Variants in ACTR1A observed in about 807,000 individuals in gnomAD.
ACTR1A encodes actin related protein 1A.
In ACTR1A, 10 loss-of-function variants were observed where a neutral mutation model predicts 50.7. The ratio of observed to expected loss-of-function variants is 0.20; its 90% CI spans 0.12 to 0.33. The LOEUF (loss-of-function observed/expected upper bound fraction) is 0.33. Ranked by LOEUF, ACTR1A falls within the 10% of genes least tolerant of loss-of-function variation. ACTR1A has a pLI of 1.00. For missense variants in ACTR1A, 253 were observed against 491.7 expected (o/e 0.51, Z 4.59); for synonymous variants, 177 against 184.2 (o/e 0.96, Z 0.32).
At chr10:102,500,857 C>A (rs2135591676) in intron 1 of ACTR1A, among the ~76,000 whole-genome samples, 1 of 152,080 alleles carries the variant, frequency 6.6e-6, no homozygotes, top group African/African-American at 2.4e-5. Context: ...AGAATCGCAA[C>A]AGCCCAGGAG....
At position 102,480,448 on chromosome 10, in the gene ACTR1A, G is replaced by T. The variant is rs1001188825; in HGVS notation, c.*415C>A. On this transcript the variant is annotated 3_prime_UTR_variant, in exon 11 of 11. Transcript: ENST00000369905. ...ATAGTGGAGGCAGCAGCTGCCTGGG[G>T]CCTCAGGGCACCCTGGGGGTGGGGG... 1.4e-5 allele frequency: 3 copies of T among 210,500 alleles called. No individual in the cohort carries two copies. Among genetic ancestry groups the T allele is most frequent in the Non-Finnish European group, 2.9e-5 (3 of 103,312 alleles). 13.0% of individuals were successfully genotyped at this position (210,500 alleles called of 1,614,324 possible).
At chr10:102,495,995 G>C (rs1262007457) in intron 1 of ACTR1A, among the ~76,000 whole-genome samples, 1 of 151,692 alleles carries the variant, frequency 6.6e-6, no homozygotes, top group Non-Finnish European at 1.5e-5. Context: ...GCCCAGGCTG[G>C]AGTCCAGTGG....
intron 1 of ACTR1A, among the ~76,000 whole-genome samples, chr10:102,493,070 C>A (rs191639157): frequency 6.8e-6 from 1 of 147,096 alleles, no homozygotes; most frequent in East Asian, 2.0e-4. Flanking sequence ...GAGAGCAGGG[C>A]AGCCAGTTCT....
At chr10:102,481,364 G>A (rs2062140679) in intron 9 of ACTR1A, among the ~76,000 whole-genome samples, 192 bp from the exon 10 acceptor site, 1 of 141,810 alleles carries the variant, frequency 7.1e-6, no homozygotes, top group Admixed American at 7.2e-5. Context: ...CAGGTCCCAG[G>A]GAAGCTGGGA....
At chr10:102,481,037 G>A (rs2062137475) in intron 10 of ACTR1A, 72 bp from the exon 11 acceptor site, 1 of 1,582,292 alleles carries the variant, frequency 6.3e-7, no homozygotes, top group South Asian at 1.1e-5. Flanking sequence ...AGTCCCCTGG[G>A]GCCAAACCAA....
intron 1 of ACTR1A, among the ~76,000 whole-genome samples, chr10:102,493,001 C>CAAAAAAAAAACAAAAAAAAAAAAAAAAA (rs2062201702): frequency 2.0e-5 from 1 of 48,930 alleles, no homozygotes. Flanking sequence ...GACTCCACCT[C>CAAAAAAAAAACAAAAAAAAAAAAAAAAA]AAAAAAAAAA....
intron 1 of ACTR1A, among the ~76,000 whole-genome samples, chr10:102,494,653 A>G (rs1454626577): frequency 1.3e-5 from 2 of 151,646 alleles, no homozygotes; most frequent in East Asian, 3.9e-4. Context: ...CCAACCAACC[A>G]ACCAAACAAA....
intron 10 of ACTR1A, 30 bp downstream of exon 10, chr10:102,481,102 T>C: frequency 6.2e-7 from 1 of 1,606,156 alleles, no homozygotes; most frequent in Non-Finnish European, 8.5e-7. Context: ...CACTTCCTGT[T>C]CTGTTCTTAC....
chr10:102,496,594 T>C (rs2135588943), intron 1 of ACTR1A, among the ~76,000 whole-genome samples: 1 of 152,334 alleles, frequency 6.6e-6, no homozygotes, highest in African/African-American at 2.4e-5. Context: ...ACCTTTTCTG[T>C]CAAGCTAGGG....
Position 102,488,310 on chromosome 10 carries a change from A to G in ACTR1A, c.190-35T>C, listed in dbSNP as rs779260622. 1.2e-6 allele frequency: 2 copies of G among 1,605,932 alleles called. No individual in the cohort carries two copies. Among genetic ancestry groups the G allele is most frequent in the East Asian group, 4.5e-5 (2 of 44,572 alleles). ...GAGAACAGGACTTACGACTGCAGTC[A>G]GGCTCCACCCAGGACCCTGTTCTCC... is the stretch of plus-strand genomic sequence containing the variant. On this transcript the variant is annotated intron_variant, in intron 3 of 10. Transcript: ENST00000369905. This position sits in a 1 kb window ranked among gnomAD's most constrained non-coding sequence, Gnocchi z 4.4.
At chr10:102,489,250 G>A (rs1033501257) in intron 2 of ACTR1A, 112 bp from the exon 3 acceptor site, 98 of 652,320 alleles carry the variant, frequency 1.5e-4, no homozygotes, top group Admixed American at 1.0e-4. Context: ...TTCAAGGAGT[G>A]AAGTCACAGT....
At position 102,493,001 on chromosome 10, in the gene ACTR1A, C is replaced by CAAAAAAAAAAAAAAAAAAAAAAAAA. The variant is rs398014648; in HGVS notation, c.49-2389_49-2388insTTTTTTTTTTTTTTTTTTTTTTTTT. Among the ~76,000 whole-genome samples the CAAAAAAAAAAAAAAAAAAAAAAAAA allele has an allele frequency of 7.2e-4, 35 of 48,934 alleles. 6 individuals are homozygous for CAAAAAAAAAAAAAAAAAAAAAAAAA. Among genetic ancestry groups the CAAAAAAAAAAAAAAAAAAAAAAAAA allele is most frequent in the Non-Finnish European group, 9.8e-4 (29 of 29,676 alleles). The allele number at this position is 48,934 out of a possible 152,430, so 32.1% of individuals were successfully genotyped here. A position where few individuals can be genotyped will look rare whatever the true frequency, so the allele number is the denominator to read the frequency against. On this transcript the variant is annotated intron_variant, in intron 1 of 10. Transcript: ENST00000369905. ...AGGGAGACAGAGTGAGACTCCACCT[C>CAAAAAAAAAAAAAAAAAAAAAAAAA]AAAAAAAAAAAAAAAAAAAAAAAGA...
At chr10:102,498,635 A>AT (rs762412530) in intron 1 of ACTR1A, among the ~76,000 whole-genome samples, 239 of 144,612 alleles carry the variant, frequency 1.7e-3, no homozygotes, top group South Asian at 0.011. Flanking sequence ...AGCCTGGCTA[A>AT]TTTTTTTTTT....
chr10:102,498,987 A>T (rs185777787), intron 1 of ACTR1A, among the ~76,000 whole-genome samples: 28 of 152,304 alleles, frequency 1.8e-4, no homozygotes, highest in Middle Eastern at 3.4e-3. Flanking sequence ...TCATTAAAGC[A>T]CACACCTACC....
At chr10:102,495,587 G>C (rs1364773863) in intron 1 of ACTR1A, among the ~76,000 whole-genome samples, 18 of 150,524 alleles carry the variant, frequency 1.2e-4, no homozygotes, top group Non-Finnish European at 2.1e-4. Flanking sequence ...AAAATTAGCC[G>C]GGTGTGGTGG....
chr10:102,497,274 G>T (rs965171425), intron 1 of ACTR1A, among the ~76,000 whole-genome samples: 1 of 151,996 alleles, frequency 6.6e-6, no homozygotes. Context: ...CTAGGTGAAC[G>T]TATGGATGTT....
At chr10:102,499,558 A>G (rs1038659602) in intron 1 of ACTR1A, among the ~76,000 whole-genome samples, 1 of 152,182 alleles carries the variant, frequency 6.6e-6, no homozygotes, top group African/African-American at 2.4e-5. Context: ...AAAGAGAAAG[A>G]AAAAAATTAA....
chr10:102,481,232 C>T (rs760699520), intron 9 of ACTR1A, 60 bp from the exon 10 acceptor site: 60 of 1,494,964 alleles, frequency 4.0e-5, no homozygotes, highest in Non-Finnish European at 5.2e-5. Flanking sequence ...CCTTTCCCTA[C>T]AATGCTCCTC....
intron 1 of ACTR1A, among the ~76,000 whole-genome samples, chr10:102,500,762 C>A (rs536261269): frequency 6.6e-6 from 1 of 150,956 alleles, no homozygotes; most frequent in Admixed American, 6.6e-5. Context: ...GTTCCCTCCA[C>A]CCCCCCACAC....
Sources: gnomAD v4.1 joint callset for allele counts (sites outside exome capture counted in the v4.1 genomes callset) on GRCh38, gnomAD v4.1.1 for gene constraint, Gnocchi (gnomAD v3.1) non-coding constraint, MANE v1.5 for transcripts, NCBI Gene and HGNC (gene_info 2026-07-23, HGNC 2026-07-21) for gene names.